The following LYPLAL1 variants were observed in gnomAD, a reference collection of about 807,000 sequenced individuals.
The protein encoded by LYPLAL1 is lysophospholipase-like protein 1.
In LYPLAL1, 23 loss-of-function variants were observed where a neutral mutation model predicts 19.7. The ratio of observed to expected loss-of-function variants is 1.17; its 90% confidence interval spans 0.84 to 1.65. The LOEUF is 1.65. Ranked by LOEUF, LYPLAL1 falls within the 40% of genes most tolerant of loss-of-function variation. LYPLAL1 has a pLI of 0.00. For missense variants in LYPLAL1, 355 were observed against 279.4 expected (o/e 1.27, Z -1.93); for synonymous variants, 119 against 96.3 (o/e 1.24, Z -1.38).
chr1:219,232,464 T>TTTGGCAATGATTTGGC, the LYPLAL1 span, among the ~76,000 whole-genome samples: 1 of 152,196 alleles, frequency 6.6e-6, no homozygotes, highest in Non-Finnish European at 1.5e-5. Flanking sequence ...AGTTTCATGA[T>TTTGGCAATGATTTGGC]AATGGATTTG....
the LYPLAL1 span, among the ~76,000 whole-genome samples, chr1:219,404,665 A>C: frequency 6.6e-6 from 1 of 152,240 alleles, no homozygotes; most frequent in Non-Finnish European, 1.5e-5. Context: ...GGGTTCAAAA[A>C]TACAGTTAGA....
At chr1:219,316,076 T>A in the LYPLAL1 span, among the ~76,000 whole-genome samples, 1 of 152,302 alleles carries the variant, frequency 6.6e-6, no homozygotes, top group East Asian at 1.9e-4. Context: ...CAGATACGCT[T>A]ACAGGTTTTG....
chr1:219,366,557 T>C, the LYPLAL1 span, among the ~76,000 whole-genome samples: 2 of 152,218 alleles, frequency 1.3e-5, no homozygotes, highest in East Asian at 3.8e-4. Context: ...CTCTATTTGG[T>C]ACATGCCATT....
the LYPLAL1 span, among the ~76,000 whole-genome samples, chr1:219,226,726 A>T: frequency 6.6e-6 from 1 of 152,222 alleles, no homozygotes; most frequent in African/African-American, 2.4e-5. Context: ...ACTGTTTATT[A>T]GTTAATATTT....
chr1:219,246,186 A>G, the LYPLAL1 span, among the ~76,000 whole-genome samples: 1 of 152,086 alleles, frequency 6.6e-6, no homozygotes, highest in African/African-American at 2.4e-5. Context: ...GGCAGATGCC[A>G]TCCGTGGTCC....
At chr1:219,419,152 C>A in the LYPLAL1 span, among the ~76,000 whole-genome samples, 1 of 152,162 alleles carries the variant, frequency 6.6e-6, no homozygotes, top group Admixed American at 6.5e-5. Flanking sequence ...AGTTCTCAAC[C>A]CCTTAGGGTA....
the LYPLAL1 span, among the ~76,000 whole-genome samples, chr1:219,326,276 C>T: frequency 2.3e-5 from 2 of 87,514 alleles, no homozygotes; most frequent in Middle Eastern, 0.013. Context: ...TTTGTTAGTT[C>T]GTGAGGGTTT....
At chr1:219,281,080 G>T in the LYPLAL1 span, among the ~76,000 whole-genome samples, 1 of 152,022 alleles carries the variant, frequency 6.6e-6, no homozygotes, top group Non-Finnish European at 1.5e-5. Flanking sequence ...AGATAATAAA[G>T]GAATGAGACT....
At chr1:219,250,970 G>T in the LYPLAL1 span, among the ~76,000 whole-genome samples, 1 of 151,892 alleles carries the variant, frequency 6.6e-6, no homozygotes, top group Admixed American at 6.6e-5. Flanking sequence ...AGCATCTATT[G>T]TTTTTTGGCT....
the LYPLAL1 span, among the ~76,000 whole-genome samples, chr1:219,380,046 A>G: frequency 6.6e-6 from 1 of 152,252 alleles, no homozygotes; most frequent in Non-Finnish European, 1.5e-5. Flanking sequence ...GTACCAAACA[A>G]TGCCAAAAAT....
the LYPLAL1 span, among the ~76,000 whole-genome samples, chr1:219,416,707 AACTTCCAGGTCATT>A: frequency 6.6e-6 from 1 of 152,214 alleles, no homozygotes. Context: ...AAGGGGTGGT[AACTTCCAGGTCATT>A]GCCATGGCAT....
the LYPLAL1 span, among the ~76,000 whole-genome samples, chr1:219,376,483 C>T: frequency 2.0e-5 from 3 of 152,250 alleles, no homozygotes; most frequent in South Asian, 6.2e-4. Flanking sequence ...AATTGAATTA[C>T]TGTTGAAAAC....
At chr1:219,179,426 GGTGA>G in intron 2 of LYPLAL1, 180 bp downstream of exon 2, 1 of 551,266 alleles carries the variant, frequency 1.8e-6, no homozygotes, top group Admixed American at 3.8e-5. Flanking sequence ...AGTTTTGCCA[GGTGA>G]GTAATTTATT....
the LYPLAL1 span, among the ~76,000 whole-genome samples, chr1:219,245,400 C>T: frequency 6.6e-6 from 1 of 152,236 alleles, no homozygotes. Flanking sequence ...TGTCTGGAGT[C>T]CTAAGGGAAC....
At chr1:219,373,869 AAAAAAAAAAAAAC>A in the LYPLAL1 span, among the ~76,000 whole-genome samples, 12 of 22,100 alleles carry the variant, frequency 5.4e-4, no homozygotes, top group Admixed American at 8.1e-4. Flanking sequence ...TTGTCAAAAA[AAAAAAAAAAAAAC>A]AAAAAAAAAA....
the LYPLAL1 span, among the ~76,000 whole-genome samples, chr1:219,225,690 A>G: frequency 3.3e-5 from 5 of 152,162 alleles, no homozygotes; most frequent in African/African-American, 1.2e-4. Context: ...CCACCACCTA[A>G]TAAGCCCTGC....
At chr1:219,439,530 C>A in the LYPLAL1 span, among the ~76,000 whole-genome samples, 1 of 152,140 alleles carries the variant, frequency 6.6e-6, no homozygotes, top group African/African-American at 2.4e-5. Flanking sequence ...TTGTGAACAG[C>A]TCTTTTCAAG....
chr1:219,398,939 G>T, the LYPLAL1 span, among the ~76,000 whole-genome samples: 1 of 152,202 alleles, frequency 6.6e-6, no homozygotes, highest in Non-Finnish European at 1.5e-5. Flanking sequence ...GGCCTGAGGT[G>T]CTCCCAGACT....
chr1:219,251,649 G>C, the LYPLAL1 span, among the ~76,000 whole-genome samples: 1 of 151,882 alleles, frequency 6.6e-6, no homozygotes, highest in Non-Finnish European at 1.5e-5. Flanking sequence ...GCCTCTTTTT[G>C]TATCAGTACC....
Sources: gnomAD v4.1 joint callset for allele counts (sites outside exome capture counted in the v4.1 genomes callset) on GRCh38, gnomAD v4.1.1 for gene constraint, MANE v1.5 for transcripts, NCBI Gene and HGNC (gene_info 2026-07-23, HGNC 2026-07-21) for gene names.